Variants in ZNF850 observed in about 807,000 individuals in gnomAD.
ZNF850 encodes zinc finger protein 850, also known as putative zinc finger protein ENSP00000330994.
In ZNF850, 2 loss-of-function variants were observed where a neutral mutation model predicts 11.9. The ratio of observed to expected loss-of-function variants is 0.17; its 90% CI spans 0.07 to 0.53. The LOEUF (loss-of-function observed/expected upper bound fraction) is 0.53, where lower values mean the gene tolerates loss of function less well. ZNF850 is among the 20% of genes least tolerant of loss of function. ZNF850 has a pLI of 0.94. For missense variants in ZNF850, 1,014 were observed against 1,316.4 expected (o/e 0.77, Z 3.55); for synonymous variants, 381 against 443.0 (o/e 0.86, Z 1.76).
chr19:36,769,864 G>C (rs1341409864), intron 1 of ZNF850, among the ~76,000 whole-genome samples: 1 of 152,172 alleles, frequency 6.6e-6, no homozygotes, highest in Non-Finnish European at 1.5e-5. Flanking sequence ...TCTACCATGA[G>C]ATACTGTCAT....
At chr19:36,771,790 G>C (rs536195174) in intron 1 of ZNF850, among the ~76,000 whole-genome samples, 167 of 152,278 alleles carry the variant, frequency 1.1e-3, no homozygotes, top group African/African-American at 3.8e-3. Flanking sequence ...CATTCCACCC[G>C]GGTTTGGGCT....
chr19:36,767,021 G>A (rs1420979783), intron 1 of ZNF850, among the ~76,000 whole-genome samples: 1 of 152,128 alleles, frequency 6.6e-6, no homozygotes, highest in African/African-American at 2.4e-5. Context: ...TGGATCACCA[G>A]AGGTCAGGAG....
At chr19:36,770,010 C>A (rs541626404) in intron 1 of ZNF850, among the ~76,000 whole-genome samples, 2 of 152,260 alleles carry the variant, frequency 1.3e-5, no homozygotes, top group African/African-American at 4.8e-5. Context: ...GATTAATTTG[C>A]TAAAATAAAA....
chr19:36,747,726 T>C lies in ZNF850; in HGVS notation c.*41A>G, dbSNP rs993069196. The C allele has an allele frequency of 4.1e-6, 6 of 1,446,018 alleles. No homozygotes were observed. Among genetic ancestry groups the C allele is most frequent in the African/African-American group, 2.9e-5 (2 of 70,076 alleles). The allele number at this position is 1,446,018 out of a possible 1,614,324, so 89.6% of individuals were successfully genotyped here. Reference sequence around the variant, plus strand: ...TTGACCCACATATGGAATCTGCTGATGATCCATGACAAATGGCATGAGAAC... The same window carrying C: ...TTGACCCACATATGGAATCTGCTGACGATCCATGACAAATGGCATGAGAAC... On this transcript the variant is annotated 3_prime_UTR_variant, in exon 5 of 5. Coordinates refer to ENST00000591344, the MANE Select transcript of ZNF850 (RefSeq NM_001193552.2).
intron 1 of ZNF850, among the ~76,000 whole-genome samples, chr19:36,770,736 A>AAAAAAAAC (rs2040576676): frequency 7.0e-6 from 1 of 143,062 alleles, no homozygotes; most frequent in Non-Finnish European, 1.5e-5. Context: ...AAAAAAAAAA[A>AAAAAAAAC]AAGCCAGCAC....
intron 1 of ZNF850, among the ~76,000 whole-genome samples, 188 bp from the exon 2 acceptor site, chr19:36,762,863 T>G (rs962099684): frequency 4.2e-4 from 63 of 150,690 alleles, no homozygotes; most frequent in Middle Eastern, 3.5e-3. Flanking sequence ...TCTTTCTTGT[T>G]TTTTTTTTTC....
Position 36,748,878 on chromosome 19 carries a change from T to C in ZNF850, c.2162A>G (p.Gln721Arg), listed in dbSNP as rs1479438416. 2 of 1,552,672 alleles carry C rather than the reference T, an allele frequency of 1.3e-6. No individual in the cohort carries two copies. Among genetic ancestry groups the C allele is most frequent in the African/African-American group, 2.7e-5 (2 of 73,188 alleles). Residue 721 changes from glutamine to arginine, a missense_variant, in exon 5 of 5, where the codon CAA becomes CGA. Physicochemically the swap from Gln to Arg is conservative, Grantham distance 43 (BLOSUM62 1). Transcript: ENST00000591344. ...TFCSGLIQHQ[Q>R]NHTDEKPYDG... Reference sequence around the variant, plus strand: ...ATAGGGTTTCTCATCAGTGTGATTTTGCTGATGTTGAATTAGTCCTGAGCA... The same window carrying C: ...ATAGGGTTTCTCATCAGTGTGATTTCGCTGATGTTGAATTAGTCCTGAGCA...
chr19:36,762,319 C>T lies in ZNF850; in HGVS notation c.125G>A (p.Ser42Asn), dbSNP rs749603100. 13 of 1,573,482 alleles carry T rather than the reference C, an allele frequency of 8.3e-6. No individual in the cohort carries two copies. The South Asian group carries it at 1.5e-4, about 18-fold the overall frequency. The stretch of plus-strand genomic sequence containing the variant: ...GACATCCTTACCTAGTGAGACCAGG[C>T]TGCTGTAGTTCTCCATCATTACATC... ...YRDVMMENYS[S>N]LVSLGLSIPK... is the part of the protein sequence containing the mutation. The change falls in exon 3 of 5, where the codon AGC becomes AAC. Residue 42 changes from serine to asparagine, a missense_variant. Physicochemically the swap from Ser to Asn is conservative, Grantham distance 46. Around this residue, in one of 2 missense-constraint regions of ZNF850, gnomAD observed 835 missense variants for 1,022.0 expected, o/e 0.82. Transcript: ENST00000591344.
Position 36,748,687 on chromosome 19 carries a change from A to C in ZNF850, c.2353T>G (p.Tyr785Asp). ...HQQIHTGEKLYDCKECGKSFT... is the reference protein window; with the variant it reads ...HQQIHTGEKLDDCKECGKSFT... ...GATTTCCCACATTCCTTACAATCATAGAGCTTCTCACCAGTGTGTATTTGC... is the reference window on the plus strand; with the variant it reads ...GATTTCCCACATTCCTTACAATCATCGAGCTTCTCACCAGTGTGTATTTGC... Residue 785 changes from tyrosine to aspartate, a missense_variant, in exon 5 of 5, where the codon TAT becomes GAT. By Grantham distance (160) the Tyr-to-Asp change is radical. This residue lies in a region of ZNF850 where 835 missense variants were observed against 1,022.0 expected (regional missense o/e 0.82). Transcript: ENST00000591344. 6.5e-7 allele frequency: 1 copy of C among 1,538,198 alleles called. No individual in the cohort carries two copies. Among genetic ancestry groups the C allele is most frequent in the Non-Finnish European group, 8.7e-7 (1 of 1,147,178 alleles).
Position 36,750,544 on chromosome 19 carries a change from C to T in ZNF850, c.496G>A (p.Gly166Arg), listed in dbSNP as rs556522681. The change falls in exon 5 of 5, where the codon GGA becomes AGA. Residue 166 changes from glycine to arginine, a missense_variant. Around this residue, in one of 2 missense-constraint regions of ZNF850, gnomAD observed 835 missense variants for 1,022.0 expected, o/e 0.82. Coordinates refer to ENST00000591344, the MANE Select transcript of ZNF850 (RefSeq NM_001193552.2). ...TCTGTGGATTTATACAGTTTCTCTC[C>T]AGGATGAATCCGATGATGCAGAGTG... ...SLTLHHRIHP[G>R]EKLYKSTECM... The T allele has an allele frequency of 3.5e-5, 53 of 1,536,142 alleles. No individual in the cohort carries two copies. The South Asian group carries it at 6.3e-4, about 18-fold the overall frequency.
chr19:36,753,194 A>C (rs1311054662), intron 4 of ZNF850, among the ~76,000 whole-genome samples: 2 of 149,834 alleles, frequency 1.3e-5, no homozygotes, highest in African/African-American at 4.9e-5. Flanking sequence ...GCTTAAATCC[A>C]GGAGACAGAG....
At chr19:36,757,165 C>T (rs1319530261) in intron 4 of ZNF850, among the ~76,000 whole-genome samples, 1 of 152,002 alleles carries the variant, frequency 6.6e-6, no homozygotes. Context: ...TTTTGTTTAT[C>T]TGAGGGGCAA....
rs1600602777 is a variant in ZNF850 at position 36,748,069 on chromosome 19, TAA to T, written c.2969_2970del (p.Phe990TyrfsTer16). ...PYECKECGKS[F>X]TCGSELIRHQ... The stretch of plus-strand genomic sequence containing the variant: ...TGTCGAATTAGTTCTGAGCCGCAAG[TAA>T]AAGATTTCCCACATTCTTTACATTC... On this transcript the variant is annotated frameshift_variant, in exon 5 of 5. Transcript: ENST00000591344. LOFTEE classifies it low-confidence loss of function (END_TRUNC). The T allele has an allele frequency of 1.9e-5, 30 of 1,561,312 alleles. No individual in the cohort carries two copies. Among genetic ancestry groups the T allele is most frequent in the Non-Finnish European group, 2.6e-5 (30 of 1,156,734 alleles).
At chr19:36,758,710 C>T (rs1356516058) in intron 4 of ZNF850, among the ~76,000 whole-genome samples, 1 of 152,174 alleles carries the variant, frequency 6.6e-6, no homozygotes, top group Non-Finnish European at 1.5e-5. Context: ...GCTACGAATA[C>T]TTGTCTGAAC....
chr19:36,755,030 C>A (rs542549635), intron 4 of ZNF850, among the ~76,000 whole-genome samples: 1 of 152,122 alleles, frequency 6.6e-6, no homozygotes, highest in African/African-American at 2.4e-5. Context: ...TCCCCACCCC[C>A]ACAAAAACAC....
At chr19:36,768,587 ATC>A (rs1478580005) in intron 1 of ZNF850, among the ~76,000 whole-genome samples, 2 of 152,114 alleles carry the variant, frequency 1.3e-5, no homozygotes, top group African/African-American at 4.8e-5. Context: ...GTATATTGTA[ATC>A]TCTGTCTTTA....
Position 36,743,540 on chromosome 19 carries a change from A to G in ZNF850, c.*4227T>C, listed in dbSNP as rs10410939. ...TACCAACATCTCTTTAGACAATTCA[A>G]TCTCATGAAGAAACCATTTCATCTA... On this transcript the variant is annotated 3_prime_UTR_variant, in exon 5 of 5. Coordinates refer to ENST00000591344, the MANE Select transcript of ZNF850 (RefSeq NM_001193552.2). The G allele has an allele frequency of 0.054, 8,187 of 152,226 alleles. 634 individuals are homozygous for G. The highest frequency in any genetic ancestry group is 0.17 in the African/African-American group (7,039 of 41,510). 9.4% of individuals were successfully genotyped at this position (152,226 alleles called of 1,614,324 possible). A position where few individuals can be genotyped will look rare whatever the true frequency, so the allele number is the denominator to read the frequency against.
chr19:36,755,417 G>A (rs991416167), intron 4 of ZNF850, among the ~76,000 whole-genome samples: 6 of 152,022 alleles, frequency 3.9e-5, no homozygotes, highest in Non-Finnish European at 7.4e-5. Flanking sequence ...AGTACAGAAA[G>A]GGTTTCGCCA....
At chr19:36,762,922 G>T (rs761957891) in intron 1 of ZNF850, among the ~76,000 whole-genome samples, 2 of 150,574 alleles carry the variant, frequency 1.3e-5, no homozygotes, top group Non-Finnish European at 3.0e-5. Flanking sequence ...ACAGGGTCTC[G>T]TTCTGTTGCC....
Sources: gnomAD v4.1 joint callset for allele counts (sites outside exome capture counted in the v4.1 genomes callset) on GRCh38, gnomAD v4.1.1 for gene constraint, gnomAD v4.1.1 regional missense constraint, MANE v1.5 for transcripts, NCBI Gene and HGNC (gene_info 2026-07-23, HGNC 2026-07-21) for gene names.